The following SLC26A8 variants were observed in gnomAD, a reference collection of about 807,000 sequenced individuals.
SLC26A8 encodes the protein solute carrier family 26 member 8.
Under a neutral mutation model 105.0 loss-of-function variants are expected in SLC26A8, and 70 were observed. That is an observed-to-expected ratio of 0.67 (90% CI 0.55 to 0.81). SLC26A8 has a LOEUF of 0.81. Ranked by LOEUF, SLC26A8 falls within the 40% of genes least tolerant of loss-of-function variation. The pLI is 0.00. For missense variants in SLC26A8, 998 were observed against 1,181.8 expected (o/e 0.84, Z 2.28); for synonymous variants, 415 against 438.3 (o/e 0.95, Z 0.66).
chr6:35,992,948 C>T (rs1761220260), intron 5 of SLC26A8, among the ~76,000 whole-genome samples: 1 of 152,064 alleles, frequency 6.6e-6, no homozygotes, highest in African/African-American at 2.4e-5. Context: ...ATCTACTGCT[C>T]TCTAGGTTGA....
At chr6:35,996,198 G>C (rs1309753067) in intron 5 of SLC26A8, among the ~76,000 whole-genome samples, 2 of 152,110 alleles carry the variant, frequency 1.3e-5, no homozygotes, top group African/African-American at 4.8e-5. Flanking sequence ...GTCAGGGCTG[G>C]AGTCTGCCCA....
chr6:36,017,054 C>T (rs1762012226), intron 2 of SLC26A8, among the ~76,000 whole-genome samples: 1 of 152,010 alleles, frequency 6.6e-6, no homozygotes. Context: ...CACCTGTAAT[C>T]CCAGATACTC....
chr6:35,977,444 T>A, intron 8 of SLC26A8, 93 bp from the exon 9 acceptor site: 2 of 809,844 alleles, frequency 2.5e-6, no homozygotes, highest in Non-Finnish European at 3.3e-6. Flanking sequence ...TCCTGATTCT[T>A]TTTTTTTTTT....
chr6:35,962,607 A>T lies in SLC26A8; in HGVS notation c.1380T>A (p.Gly460=). Residue 460 remains glycine, a synonymous_variant, in exon 12 of 20, where the codon GGT becomes GGA. Coordinates refer to ENST00000490799, the MANE Select transcript of SLC26A8 (RefSeq NM_052961.4). ...AGGGAATGACGTTGCTCAGAATAAT[A>T]CCAGCCAGCACAGCCTGTGGGGAAA... ...FYTLPNAVLA[G]IILSNVIPYL... The T allele has an allele frequency of 6.2e-7, 1 of 1,613,334 alleles. No individual in the cohort carries two copies. Among genetic ancestry groups the T allele is most frequent in the Non-Finnish European group, 8.5e-7 (1 of 1,179,872 alleles).
chr6:35,994,368 C>G (rs1761287368), intron 5 of SLC26A8, among the ~76,000 whole-genome samples: 1 of 151,968 alleles, frequency 6.6e-6, no homozygotes, highest in Non-Finnish European at 1.5e-5. Context: ...CCCGCCTCGG[C>G]CTCTCAAAGT....
In SLC26A8 at chr6:35,960,847, C is replaced by T. The variant is rs142348124; in HGVS notation, c.1634G>A (p.Arg545Gln). 96 of 1,614,058 alleles carry T rather than the reference C, an allele frequency of 5.9e-5. No homozygotes were observed. The East Asian group carries it at 1.3e-3, about 22-fold the overall frequency. ...GGGACCCATTTGGATTCTTACCTCC[C>T]GATAATCATTGATGCTTCTATAAAT... ...TNIYRSINDY[R>Q]EIITIPGVKI... The change falls in exon 14 of 20, where the codon CGG becomes CAG. Residue 545 changes from arginine (R) to glutamine (Q), a missense_variant. Physicochemically the swap from Arg to Gln is conservative, Grantham distance 43. Coordinates refer to ENST00000490799, the MANE Select transcript of SLC26A8 (RefSeq NM_052961.4).
intron 3 of SLC26A8, among the ~76,000 whole-genome samples, chr6:36,005,806 C>T (rs921960676): frequency 2.6e-5 from 4 of 152,192 alleles, no homozygotes; most frequent in Admixed American, 2.6e-4. Flanking sequence ...GTTTTAGCAT[C>T]CACTGGGTAG....
At chr6:35,954,639 A>G (rs1391891454) in intron 17 of SLC26A8, among the ~76,000 whole-genome samples, 2 of 152,192 alleles carry the variant, frequency 1.3e-5, no homozygotes, top group African/African-American at 2.4e-5. Flanking sequence ...CCGCAGCTCA[A>G]TACATCAGAA....
chr6:35,979,601 T>C (rs1397823132), intron 8 of SLC26A8, among the ~76,000 whole-genome samples: 1 of 152,228 alleles, frequency 6.6e-6, no homozygotes, highest in Non-Finnish European at 1.5e-5. Flanking sequence ...TCCACCTTTT[T>C]GTCTTTGTAA....
At chr6:35,994,109 T>G (rs974084227) in intron 5 of SLC26A8, among the ~76,000 whole-genome samples, 1 of 134,016 alleles carries the variant, frequency 7.5e-6, no homozygotes, top group African/African-American at 2.7e-5. Flanking sequence ...CCCTTTTTTT[T>G]TCTTTTCTTT....
chr6:36,001,358 G>T (rs1187452730), intron 3 of SLC26A8, among the ~76,000 whole-genome samples: 1 of 152,120 alleles, frequency 6.6e-6, no homozygotes, highest in African/African-American at 2.4e-5. Context: ...TCGATCTCCT[G>T]ACCTCGTGAT....
chr6:35,973,762 T>G (rs1772889562), intron 10 of SLC26A8, among the ~76,000 whole-genome samples: 1 of 152,218 alleles, frequency 6.6e-6, no homozygotes, highest in African/African-American at 2.4e-5. Context: ...ACTATGACAC[T>G]TTGTCTTTCC....
chr6:35,966,443 C>T (rs553968422), intron 11 of SLC26A8, among the ~76,000 whole-genome samples: 6 of 152,196 alleles, frequency 3.9e-5, no homozygotes, highest in Admixed American at 1.3e-4. Context: ...ACATTTTTAT[C>T]CTTCTAAATA....
chr6:35,952,975 C>G (rs1365220783), intron 17 of SLC26A8, among the ~76,000 whole-genome samples: 1 of 139,262 alleles, frequency 7.2e-6, no homozygotes, highest in East Asian at 2.2e-4. Context: ...GATCATGCCA[C>G]TGCACTCCAG....
intron 7 of SLC26A8, among the ~76,000 whole-genome samples, chr6:35,986,280 C>T (rs543888779): frequency 5.3e-4 from 80 of 152,152 alleles, no homozygotes; most frequent in African/African-American, 1.7e-3. Context: ...GTGATCCACG[C>T]GCCTCGGCCT....
chr6:36,006,465 G>A (rs966239503), intron 3 of SLC26A8, among the ~76,000 whole-genome samples: 1 of 152,126 alleles, frequency 6.6e-6, no homozygotes, highest in African/African-American at 2.4e-5. Context: ...TACCTACTAT[G>A]TGCTAGGTGT....
rs1471559246 is a variant in SLC26A8 at position 35,997,941 on chromosome 6, A to G, written c.446-22T>C. 1.9e-6 allele frequency: 3 copies of G among 1,607,804 alleles called. No homozygotes were observed. The Admixed American group carries it at 5.1e-5, about 27-fold the overall frequency. On this transcript the variant is annotated intron_variant, in intron 4 of 19. Transcript: ENST00000490799. ...GAACCTGTGGAAGAAGATGTTAGGT[A>G]GAAGGTGAAGTTTCAAGTCCAGGTA...
chr6:36,023,005 C>A (rs376344579), intron 1 of SLC26A8, among the ~76,000 whole-genome samples: 1 of 150,090 alleles, frequency 6.7e-6, no homozygotes, highest in African/African-American at 2.4e-5. Context: ...AGAAAAAAAG[C>A]AAAGAAGCTG....
intron 5 of SLC26A8, among the ~76,000 whole-genome samples, chr6:35,996,479 C>A (rs1487150662): frequency 1.3e-5 from 2 of 152,140 alleles, no homozygotes; most frequent in Non-Finnish European, 2.9e-5. Context: ...AAAAAGGATT[C>A]CAGATCTGGC....
Sources: allele counts gnomAD v4.1 joint callset (sites outside exome capture counted in the v4.1 genomes callset), GRCh38; gene constraint gnomAD v4.1.1; transcripts MANE v1.5; gene names NCBI Gene and HGNC (gene_info 2026-07-23, HGNC 2026-07-21).